The following GPCPD1 variants were observed in gnomAD, a reference collection of about 807,000 sequenced individuals.
The protein encoded by GPCPD1 is glycerophosphocholine phosphodiesterase GPCPD1.
In GPCPD1, 29 loss-of-function variants were observed where a neutral mutation model predicts 89.2. The observed-to-expected ratio is 0.33, with a 90% CI of 0.24 to 0.44. The LOEUF (loss-of-function observed/expected upper bound fraction) is 0.44, where lower values mean the gene tolerates loss of function less well. Ranked by LOEUF, GPCPD1 falls within the 20% of genes least tolerant of loss-of-function variation. The probability of loss-of-function intolerance (pLI) is 1.00; values close to 1 mark genes in which losing one functional copy is unlikely to be tolerated. For missense variants in GPCPD1, 594 were observed against 808.9 expected, an observed-to-expected ratio of 0.73 and a Z score of 3.22; for synonymous variants, 258 against 266.3, an observed-to-expected ratio of 0.97 and a Z score of 0.30.
intron 19 of GPCPD1, among the ~76,000 whole-genome samples, chr20:5,555,941 T>TA (rs1474758302): frequency 1.3e-5 from 2 of 152,176 alleles, no homozygotes; most frequent in Admixed American, 6.5e-5. Context: ...AAATATTGTG[T>TA]AAAAGGAAGA....
At chr20:5,583,030 T>C (rs1200060619) in intron 6 of GPCPD1, among the ~76,000 whole-genome samples, 1 of 149,586 alleles carries the variant, frequency 6.7e-6, no homozygotes. Flanking sequence ...AAGTCGGGAG[T>C]TCAAGACCAG....
chr20:5,555,097 G>A (rs1488526678), intron 19 of GPCPD1, among the ~76,000 whole-genome samples: 1 of 152,198 alleles, frequency 6.6e-6, no homozygotes, highest in Non-Finnish European at 1.5e-5. Context: ...TATGGATGAG[G>A]AAAGAAAATG....
chr20:5,588,946 C>A (rs1387849182), intron 4 of GPCPD1, among the ~76,000 whole-genome samples: 1 of 152,070 alleles, frequency 6.6e-6, no homozygotes, highest in South Asian at 2.1e-4. Flanking sequence ...GTCAGGGGAA[C>A]TTTATAGACT....
intron 3 of GPCPD1, among the ~76,000 whole-genome samples, chr20:5,596,699 A>G (rs1050806843): frequency 2.0e-5 from 3 of 152,188 alleles, no homozygotes; most frequent in Non-Finnish European, 2.9e-5. Context: ...GAGAGCTGGT[A>G]AGAGAAAGCT....
chr20:5,574,654 C>T (rs752914858), intron 10 of GPCPD1, among the ~76,000 whole-genome samples: 1 of 152,102 alleles, frequency 6.6e-6, no homozygotes, highest in Non-Finnish European at 1.5e-5. Flanking sequence ...GGGAGAATGG[C>T]TTGAGCTCCG....
rs11479995 is a variant in GPCPD1 at position 5,581,814 on chromosome 20, C to CTTTTTTTTTT, written c.350-1693_350-1684dup. Among the ~76,000 whole-genome samples the CTTTTTTTTTT allele has an allele frequency of 1.1e-3, 82 of 75,016 alleles. 16 individuals are homozygous for CTTTTTTTTTT. The highest frequency in any genetic ancestry group is 8.5e-3 in the Middle Eastern group (1 of 118). 49.2% of individuals were successfully genotyped at this position (75,016 alleles called of 152,430 possible). On this transcript the variant is annotated intron_variant, in intron 6 of 19. Transcript: ENST00000379019. Reference sequence around the variant, plus strand: ...ATGCTTAATAATTGTGGGACTTTAACTTTTTTTTTTTTTTTTTTTTTTTTT... The same window carrying CTTTTTTTTTT: ...ATGCTTAATAATTGTGGGACTTTAACTTTTTTTTTTTTTTTTTTTTTTTTTTTTTTTTTTT...
intron 19 of GPCPD1, 127 bp from the exon 20 acceptor site, chr20:5,547,977 T>C (rs1056653430): frequency 4.1e-5 from 21 of 510,080 alleles, no homozygotes; most frequent in Non-Finnish European, 5.2e-5. Flanking sequence ...TCAGAGTTTT[T>C]GTTTTGTTTT....
intron 11 of GPCPD1, among the ~76,000 whole-genome samples, chr20:5,573,456 T>C (rs939176209): frequency 9.2e-5 from 14 of 152,230 alleles, no homozygotes; most frequent in Non-Finnish European, 1.9e-4. Flanking sequence ...GCATTGGTTT[T>C]CACTACCTGA....
chr20:5,606,732 A>G (rs1435942632), intron 1 of GPCPD1, among the ~76,000 whole-genome samples: 1 of 152,202 alleles, frequency 6.6e-6, no homozygotes, highest in Non-Finnish European at 1.5e-5. Flanking sequence ...AGCTCCAAAC[A>G]TCAACAGGGC....
intron 8 of GPCPD1, among the ~76,000 whole-genome samples, chr20:5,577,312 C>T (rs1250748969): frequency 5.3e-5 from 8 of 151,438 alleles, no homozygotes; most frequent in African/African-American, 1.7e-4. Context: ...TGAGCCACCG[C>T]GCCCGGCCAA....
intron 8 of GPCPD1, 61 bp downstream of exon 8, chr20:5,578,319 A>G: frequency 9.8e-7 from 1 of 1,016,134 alleles, no homozygotes. Context: ...ATCAAAACCA[A>G]CGTTAAAATA....
intron 4 of GPCPD1, among the ~76,000 whole-genome samples, chr20:5,590,542 C>CAAAAAAAAAAAAA (rs71197771): frequency 6.3e-5 from 5 of 78,972 alleles, no homozygotes; most frequent in Admixed American, 1.2e-4. Flanking sequence ...GACTCTGTCT[C>CAAAAAAAAAAAAA]AAAAAAAAAA....
chr20:5,562,041 C>G (rs1203396049), intron 15 of GPCPD1, among the ~76,000 whole-genome samples: 1 of 152,168 alleles, frequency 6.6e-6, no homozygotes, highest in Non-Finnish European at 1.5e-5. Flanking sequence ...TATGCTACAG[C>G]TCATAAATCA....
Position 5,558,828 on chromosome 20 carries a change from A to T in GPCPD1, c.1533-9T>A. On this transcript the variant is annotated splice_polypyrimidine_tract_variant and intron_variant, in intron 17 of 19. Transcript: ENST00000379019. Reference sequence around the variant, plus strand: ...TCTGCTTTTGCCGAACCCTGAAAAGAAACAATTTTAAAAATACCTTTCAAT... The same window carrying T: ...TCTGCTTTTGCCGAACCCTGAAAAGTAACAATTTTAAAAATACCTTTCAAT... 1 of 1,544,642 alleles carries T rather than the reference A, an allele frequency of 6.5e-7. No individual in the cohort carries two copies.
intron 4 of GPCPD1, among the ~76,000 whole-genome samples, chr20:5,588,428 G>C (rs936338810): frequency 6.6e-6 from 1 of 152,044 alleles, no homozygotes; most frequent in Non-Finnish European, 1.5e-5. Flanking sequence ...TTGCTTGACC[G>C]TGGGAGGCAG....
intron 4 of GPCPD1, among the ~76,000 whole-genome samples, chr20:5,590,009 T>C (rs2122739044): frequency 6.6e-6 from 1 of 152,302 alleles, no homozygotes; most frequent in Middle Eastern, 3.4e-3. Flanking sequence ...CCCACAAGAA[T>C]AAGTCTTAAT....
intron 5 of GPCPD1, chr20:5,584,935 T>C (rs1978811394): frequency 6.6e-6 from 1 of 152,422 alleles, no homozygotes; most frequent in African/African-American, 2.4e-5. Flanking sequence ...ATACAATTTA[T>C]CTTCCTGGCC....
chr20:5,549,310 T>G, intron 19 of GPCPD1: 2 of 1,000,032 alleles, frequency 2.0e-6, no homozygotes, highest in South Asian at 2.5e-5. Flanking sequence ...CTAAAGGTGA[T>G]AAGATAGCAG....
At position 5,552,541 on chromosome 20, in the gene GPCPD1, A is replaced by G. The variant is rs182643163; in HGVS notation, c.1830-4691T>C. Among the ~76,000 whole-genome samples the G allele has an allele frequency of 1.6e-3, 244 of 152,330 alleles. 2 individuals carry two copies. Among genetic ancestry groups the G allele is most frequent in the Non-Finnish European group, 6.6e-4 (45 of 68,038 alleles). On this transcript the variant is annotated intron_variant, in intron 19 of 19. Coordinates refer to ENST00000379019, the MANE Select transcript of GPCPD1 (RefSeq NM_019593.5). ...AAACCATAAATGATATAATCTCATA[A>G]TATACTTCCTTGTCAGAAAATATTT...
Sources: gnomAD v4.1 joint callset for allele counts (sites outside exome capture counted in the v4.1 genomes callset) on GRCh38, gnomAD v4.1.1 for gene constraint, MANE v1.5 for transcripts, NCBI Gene and HGNC (gene_info 2026-07-23, HGNC 2026-07-21) for gene names.